PRELID2: variants seen among roughly 807,000 people sequenced by gnomAD.
PRELID2 encodes PRELI domain-containing protein 2.
PRELID2 carries 25 observed loss-of-function variants against 28.4 expected under a neutral mutation model. That is an observed-to-expected ratio of 0.88 (90% CI 0.64 to 1.23). PRELID2 has a LOEUF of 1.23. PRELID2 is among the 50% of genes most tolerant of loss of function. The pLI is 0.00. For synonymous variants in PRELID2, 76 were observed against 71.6 expected (o/e 1.06, Z -0.31); for missense variants, 201 against 214.4 (o/e 0.94, Z 0.39).
the PRELID2 span, among the ~76,000 whole-genome samples, chr5:145,379,969 G>A: frequency 1.8e-4 from 28 of 152,160 alleles, no homozygotes; most frequent in Admixed American, 3.9e-4. Context: ...ACAGAGTTCA[G>A]GTCCAACAGT....
intron 1 of PRELID2, among the ~76,000 whole-genome samples, chr5:145,591,327 A>G (rs904894372): frequency 5.9e-5 from 9 of 151,958 alleles, no homozygotes; most frequent in African/African-American, 1.9e-4. Flanking sequence ...ACCCACATTG[A>G]TTTGGCCATA....
At chr5:145,722,419 T>C (rs1246644162) in intron 1 of PRELID2, among the ~76,000 whole-genome samples, 1 of 151,976 alleles carries the variant, frequency 6.6e-6, no homozygotes, top group African/African-American at 2.4e-5. Context: ...CCTGTCTCAG[T>C]CTCCAGACTA....
chr5:145,302,196 G>T, the PRELID2 span, among the ~76,000 whole-genome samples: 2 of 150,406 alleles, frequency 1.3e-5, no homozygotes, highest in South Asian at 2.1e-4. Flanking sequence ...GTCTCACTTT[G>T]TCCCCCAGGC....
At chr5:145,385,964 G>A in the PRELID2 span, among the ~76,000 whole-genome samples, 1 of 151,974 alleles carries the variant, frequency 6.6e-6, no homozygotes, top group Non-Finnish European at 1.5e-5. Context: ...ATCCCTATGT[G>A]TCAAGGGAGG....
chr5:145,530,870 G>A lies in PRELID2; in HGVS notation n.71-57555C>T, dbSNP rs149142465. 4.7e-3 allele frequency among the ~76,000 whole-genome samples: 716 copies of A among 152,196 alleles called. 6 individuals carry two copies. The highest frequency in any genetic ancestry group is 8.3e-3 in the Non-Finnish European group (564 of 68,022). On this transcript the variant is annotated intron_variant and non_coding_transcript_variant, in intron 1 of 2. Coordinates refer to the PRELID2 transcript ENST00000510259. Reference sequence around the variant, plus strand: ...CCTGAACTAGAACCATGCCATGTAAGTAGGCCGCTAATACTCCATCTTGAG... The same window carrying A: ...CCTGAACTAGAACCATGCCATGTAAATAGGCCGCTAATACTCCATCTTGAG...
chr5:145,791,673 G>A (rs894054534), intron 5 of PRELID2, among the ~76,000 whole-genome samples: 3 of 152,138 alleles, frequency 2.0e-5, no homozygotes, highest in South Asian at 2.1e-4. Context: ...GCACAACAAT[G>A]TGAGTGTACT....
intron 1 of PRELID2, among the ~76,000 whole-genome samples, chr5:145,695,073 A>G (rs1197683519): frequency 6.6e-6 from 1 of 152,202 alleles, no homozygotes; most frequent in Non-Finnish European, 1.5e-5. Flanking sequence ...TTACTTTGCA[A>G]AGTATAAAAT....
At chr5:145,230,044 C>T in the PRELID2 span, 4 of 697,902 alleles carry the variant, frequency 5.7e-6, no homozygotes, top group East Asian at 2.8e-5. Context: ...AGTAAGTTCA[C>T]TGCCAGATAG....
At chr5:145,535,946 C>T (rs924888054) in intron 1 of PRELID2, among the ~76,000 whole-genome samples, 5 of 151,884 alleles carry the variant, frequency 3.3e-5, no homozygotes, top group Admixed American at 3.3e-4. Flanking sequence ...TCCATTACAA[C>T]CAATTCCTCT....
At chr5:145,279,557 C>T in the PRELID2 span, among the ~76,000 whole-genome samples, 2 of 152,162 alleles carry the variant, frequency 1.3e-5, no homozygotes, top group African/African-American at 2.4e-5. Context: ...TAGCACAGTG[C>T]TTGCCAAATG....
At chr5:145,577,852 T>C (rs1000530116) in intron 1 of PRELID2, among the ~76,000 whole-genome samples, 9 of 152,174 alleles carry the variant, frequency 5.9e-5, no homozygotes, top group African/African-American at 2.2e-4. Context: ...GTATCATATG[T>C]ACTTTTTGCT....
intron 5 of PRELID2, among the ~76,000 whole-genome samples, chr5:145,785,503 C>T (rs894822365): frequency 5.3e-5 from 8 of 152,206 alleles, no homozygotes; most frequent in Non-Finnish European, 1.0e-4. Context: ...AAGTTATACA[C>T]TAGATACAGC....
At chr5:145,272,734 T>C in the PRELID2 span, among the ~76,000 whole-genome samples, 1 of 152,194 alleles carries the variant, frequency 6.6e-6, no homozygotes. Context: ...ATAATGTTAG[T>C]ACTCTATAAT....
At chr5:145,698,400 C>T (rs897727171) in intron 1 of PRELID2, among the ~76,000 whole-genome samples, 8 of 152,134 alleles carry the variant, frequency 5.3e-5, no homozygotes, top group African/African-American at 1.9e-4. Flanking sequence ...ACACAAGTAA[C>T]TAAATATATC....
intron 1 of PRELID2, among the ~76,000 whole-genome samples, chr5:145,667,014 T>C (rs562968135): frequency 6.6e-6 from 1 of 152,088 alleles, no homozygotes; most frequent in Non-Finnish European, 1.5e-5. Context: ...TTTTTGTTAC[T>C]GGCAAAAGAC....
At chr5:145,613,251 T>C (rs1340753202) in intron 1 of PRELID2, among the ~76,000 whole-genome samples, 1 of 152,174 alleles carries the variant, frequency 6.6e-6, no homozygotes, top group East Asian at 1.9e-4. Flanking sequence ...TATTTTTTCA[T>C]ATGTTTGCTG....
chr5:145,478,240 A>C (rs1752121500), intron 1 of PRELID2, among the ~76,000 whole-genome samples: 1 of 152,096 alleles, frequency 6.6e-6, no homozygotes, highest in African/African-American at 2.4e-5. Context: ...AGAACTTCAA[A>C]GACTTAGTAT....
the PRELID2 span, among the ~76,000 whole-genome samples, chr5:145,292,379 G>A: frequency 6.6e-6 from 1 of 151,754 alleles, no homozygotes; most frequent in African/African-American, 2.4e-5. Flanking sequence ...TCATGAAAAT[G>A]CATAGTGGTT....
intron 1 of PRELID2, among the ~76,000 whole-genome samples, chr5:145,485,698 G>T (rs756235931): frequency 1.3e-5 from 2 of 152,128 alleles, no homozygotes; most frequent in African/African-American, 2.4e-5. Context: ...CCTGACCAGA[G>T]ACTCCTCAGC....
Sources: allele counts gnomAD v4.1 joint callset (sites outside exome capture counted in the v4.1 genomes callset), GRCh38; gene constraint gnomAD v4.1.1; transcripts MANE v1.5; gene names NCBI Gene and HGNC (gene_info 2026-07-23, HGNC 2026-07-21).